Variants in FBXL13 observed in about 807,000 individuals in gnomAD.
FBXL13 encodes F-box and leucine-rich repeat protein 13.
In FBXL13, 67 loss-of-function variants were observed where a neutral mutation model predicts 83.6. That is an observed-to-expected ratio of 0.80 (90% confidence interval 0.66 to 0.98). FBXL13 has a LOEUF of 0.98. Among genes scored for constraint, FBXL13 ranks in the 50% least tolerant of loss-of-function variants. The pLI is 0.00. For synonymous variants in FBXL13, 272 were observed against 299.5 expected (o/e 0.91, Z 0.95); for missense variants, 822 against 866.5 (o/e 0.95, Z 0.64).
At chr7:103,000,118 TTAAGA>T (rs1478803029) in intron 6 of FBXL13, among the ~76,000 whole-genome samples, 2 of 152,204 alleles carry the variant, frequency 1.3e-5, no homozygotes, top group African/African-American at 2.4e-5. Context: ...TTTTTTTAAC[TTAAGA>T]TATTTAAAAA....
intron 1 of FBXL13, among the ~76,000 whole-genome samples, chr7:103,072,977 T>C (rs1479448384): frequency 1.3e-5 from 2 of 152,246 alleles, no homozygotes; most frequent in African/African-American, 2.4e-5. Flanking sequence ...TACTGACTGC[T>C]ACTTGAGAAA....
At chr7:102,949,885 C>A (rs377512771) in intron 8 of FBXL13, among the ~76,000 whole-genome samples, 1 of 152,068 alleles carries the variant, frequency 6.6e-6, no homozygotes, top group African/African-American at 2.4e-5. Context: ...GCAGGCAGAT[C>A]ACTTGACGTC....
chr7:102,911,220 A>C (rs1025313586), intron 11 of FBXL13, among the ~76,000 whole-genome samples: 2 of 152,148 alleles, frequency 1.3e-5, no homozygotes, highest in Non-Finnish European at 2.9e-5. Flanking sequence ...ATAGATTTGA[A>C]GCCTCTCATT....
chr7:102,968,075 G>T, exon 7 of FBXL13: 1 of 1,613,840 alleles, frequency 6.2e-7, no homozygotes, highest in South Asian at 1.1e-5. Flanking sequence ...TGATTAACTT[G>T]ACCACATATT....
chr7:102,964,181 C>G (rs1825710179), intron 7 of FBXL13, among the ~76,000 whole-genome samples: 1 of 151,676 alleles, frequency 6.6e-6, no homozygotes, highest in Non-Finnish European at 1.5e-5. Flanking sequence ...CGTGGTGACA[C>G]ACGCCTGTAG....
intron 10 of FBXL13, among the ~76,000 whole-genome samples, chr7:102,918,857 T>C (rs1433562112): frequency 6.6e-6 from 1 of 152,244 alleles, no homozygotes; most frequent in Non-Finnish European, 1.5e-5. Context: ...ATACTCTTTT[T>C]CTATGTTTAT....
intron 8 of FBXL13, among the ~76,000 whole-genome samples, chr7:102,957,155 C>G (rs1028271195): frequency 2.0e-5 from 3 of 152,178 alleles, no homozygotes; most frequent in African/African-American, 7.2e-5. Context: ...CCACAGTAAC[C>G]AAAACGGCAT....
intron 11 of FBXL13, among the ~76,000 whole-genome samples, chr7:102,903,939 C>CTTTTTTTTTTTTTTTTTTTTTTTT (rs1166655004): frequency 2.3e-5 from 1 of 43,470 alleles, no homozygotes. Flanking sequence ...CTTTTCTTTT[C>CTTTTTTTTTTTTTTTTTTTTTTTT]TTTTTTTTTT....
chr7:102,903,263 A>AT (rs1263415649), intron 11 of FBXL13, among the ~76,000 whole-genome samples: 5 of 152,098 alleles, frequency 3.3e-5, no homozygotes, highest in Non-Finnish European at 2.9e-5. Context: ...TCGTAGGTCA[A>AT]TTTTTTATCC....
intron 8 of FBXL13, among the ~76,000 whole-genome samples, chr7:102,960,602 C>T (rs1052860444): frequency 1.3e-5 from 2 of 151,772 alleles, no homozygotes; most frequent in Admixed American, 6.6e-5. Flanking sequence ...ACTGGCAAAA[C>T]GAATCCAGCA....
intron 11 of FBXL13, among the ~76,000 whole-genome samples, chr7:102,894,004 GAAAA>G (rs1811936826): frequency 6.7e-6 from 1 of 149,006 alleles, no homozygotes; most frequent in Admixed American, 6.6e-5. Flanking sequence ...AAAGAGGAAA[GAAAA>G]GAAAGAGGAA....
intron 16 of FBXL13, among the ~76,000 whole-genome samples, chr7:102,856,975 T>C (rs531959701): frequency 2.0e-5 from 3 of 152,344 alleles, no homozygotes; most frequent in South Asian, 2.1e-4. Context: ...ATAAAATCCA[T>C]GCATTCTTCA....
intron 6 of FBXL13, among the ~76,000 whole-genome samples, chr7:103,016,711 T>C (rs1298020121): frequency 6.6e-6 from 1 of 152,104 alleles, no homozygotes; most frequent in Non-Finnish European, 1.5e-5. Flanking sequence ...CCCACACCCA[T>C]GGAGCCTCCC....
intron 16 of FBXL13, among the ~76,000 whole-genome samples, chr7:102,860,212 TA>T (rs1490249909): frequency 6.6e-6 from 1 of 152,212 alleles, no homozygotes; most frequent in Non-Finnish European, 1.5e-5. Flanking sequence ...TAAGTCACTA[TA>T]ATGAGGTTCC....
intron 2 of FBXL13, among the ~76,000 whole-genome samples, chr7:103,029,942 A>G (rs2129488957): frequency 6.6e-6 from 1 of 152,326 alleles, no homozygotes; most frequent in East Asian, 1.9e-4. Flanking sequence ...ACTATTCACA[A>G]TAACATGTGG....
intron 11 of FBXL13, among the ~76,000 whole-genome samples, chr7:102,885,691 C>T (rs1376670483): frequency 6.6e-6 from 1 of 152,028 alleles, no homozygotes; most frequent in East Asian, 1.9e-4. Context: ...GAATGTATTG[C>T]CAAATCCAAG....
intron 2 of FBXL13, among the ~76,000 whole-genome samples, chr7:103,046,115 G>A (rs1796248614): frequency 6.6e-6 from 1 of 152,162 alleles, no homozygotes; most frequent in African/African-American, 2.4e-5. Flanking sequence ...AAATTAAATA[G>A]ATTAAAGAAT....
At chr7:103,043,624 G>C (rs1005403869) in intron 2 of FBXL13, among the ~76,000 whole-genome samples, 25 of 152,274 alleles carry the variant, frequency 1.6e-4, no homozygotes, top group African/African-American at 6.0e-4. Context: ...CAATTCTCCT[G>C]CCTCAGCCTC....
At chr7:102,903,434 G>T (rs910083484) in intron 11 of FBXL13, among the ~76,000 whole-genome samples, 1 of 152,034 alleles carries the variant, frequency 6.6e-6, no homozygotes, top group Non-Finnish European at 1.5e-5. Context: ...GCTCTAGCTA[G>T]GACTTTCAGT....
Sources: allele counts gnomAD v4.1 joint callset (sites outside exome capture counted in the v4.1 genomes callset), GRCh38; gene constraint gnomAD v4.1.1; transcripts MANE v1.5; gene names NCBI Gene and HGNC (gene_info 2026-07-23, HGNC 2026-07-21).